Variants in ZFHX3 observed in about 807,000 individuals in gnomAD.
ZFHX3 encodes zinc finger homeobox protein 3.
ZFHX3 carries 42 observed loss-of-function variants against 279.1 expected under a neutral mutation model. The ratio of observed to expected loss-of-function variants is 0.15; its 90% CI spans 0.12 to 0.19. The LOEUF (loss-of-function observed/expected upper bound fraction) is 0.19, where lower values mean the gene tolerates loss of function less well. Ranked by LOEUF, ZFHX3 falls within the 10% of genes least tolerant of loss-of-function variation. The probability of loss-of-function intolerance (pLI) is 1.00; values close to 1 mark genes in which losing one functional copy is unlikely to be tolerated. For missense variants in ZFHX3, 4,981 were observed against 4,754.0 expected, an observed-to-expected ratio of 1.05 and a Z score of -1.40; for synonymous variants, 2,293 against 1,957.8, an observed-to-expected ratio of 1.17 and a Z score of -4.52.
intron 7 of ZFHX3, among the ~76,000 whole-genome samples, chr16:73,104,841 G>A (rs1280674260): frequency 6.6e-6 from 1 of 152,090 alleles, no homozygotes; most frequent in East Asian, 1.9e-4. Context: ...TCCCCCATGT[G>A]CTCCTATAGC....
chr16:72,788,202 G>T lies in ZFHX3; in HGVS notation c.10074C>A (p.Gly3358=). ...LSQALMGLSP[G]SLLQQYQQYQ... is the part of the protein sequence containing the mutation. The stretch of plus-strand genomic sequence containing the variant: ...ATTGCTGGTACTGCTGCAGTAGGGA[G>T]CCTGGGGACAGCCCCATCAGGGCCT... The change falls in exon 10 of 10, where the codon GGC becomes GGA. Residue 3358 remains glycine, a synonymous_variant. Transcript: ENST00000268489. The T allele has an allele frequency of 6.2e-7, 1 of 1,612,764 alleles. No homozygotes were observed. The highest frequency in any genetic ancestry group is 2.2e-5 in the East Asian group (1 of 44,832).
intron 2 of ZFHX3, among the ~76,000 whole-genome samples, chr16:73,518,022 C>T (rs549551781): frequency 8.5e-5 from 13 of 152,174 alleles, no homozygotes; most frequent in South Asian, 4.1e-4. Flanking sequence ...ACATAATCAA[C>T]GTAAACAAAT....
intron 5 of ZFHX3, among the ~76,000 whole-genome samples, chr16:72,813,897 A>G: frequency 6.6e-6 from 1 of 152,172 alleles, no homozygotes; most frequent in Admixed American, 6.5e-5. Context: ...GAGACCTTGC[A>G]GTGTGATGGG....
At position 73,684,593 on chromosome 16, in the gene ZFHX3, G is replaced by A. The variant is rs1273105093; in HGVS notation, c.-1607-4353C>T. On this transcript the variant is annotated intron_variant, in intron 1 of 17. Coordinates refer to the ZFHX3 transcript ENST00000641206. Reference sequence around the variant, plus strand: ...AATATGTTGGGTTACATGGCAAAGAGGATTTAAGGTTGCAGATGGAATTAA... The same window carrying A: ...AATATGTTGGGTTACATGGCAAAGAAGATTTAAGGTTGCAGATGGAATTAA... Among the ~76,000 whole-genome samples the A allele has an allele frequency of 5.9e-5, 9 of 152,036 alleles. No individual in the cohort carries two copies. In the South Asian group the frequency reaches 1.4e-3, roughly 24 times the overall value.
At chr16:73,530,811 G>A (rs2019787322) in intron 2 of ZFHX3, among the ~76,000 whole-genome samples, 1 of 152,118 alleles carries the variant, frequency 6.6e-6, no homozygotes. Context: ...ATGAGGTCAT[G>A]CCTGCATTTT....
At position 73,189,009 on chromosome 16, in the gene ZFHX3, G is replaced by A. The variant is rs551480442; in HGVS notation, c.-1103-45178C>T. Among the ~76,000 whole-genome samples the A allele has an allele frequency of 3.9e-5, 6 of 151,918 alleles. No individual in the cohort carries two copies. In the South Asian group the frequency reaches 6.3e-4, roughly 16 times the overall value. The stretch of plus-strand genomic sequence containing the variant: ...CTCCCAAGTAGCTGGGATTACAGGC[G>A]CAAGCTACCACGCCTGGCTACTTTT... On this transcript the variant is annotated intron_variant, in intron 5 of 17. Transcript: ENST00000641206.
chr16:73,621,272 A>G (rs2052359226), intron 2 of ZFHX3, among the ~76,000 whole-genome samples: 1 of 152,146 alleles, frequency 6.6e-6, no homozygotes. Flanking sequence ...AATTTGCCAA[A>G]CTGCCAAATT....
chr16:73,083,018 T>A (rs1307188338), intron 8 of ZFHX3, among the ~76,000 whole-genome samples: 1 of 77,656 alleles, frequency 1.3e-5, no homozygotes. Context: ...ACTCCATCTC[T>A]ACTAAAAAAA....
intron 3 of ZFHX3, among the ~76,000 whole-genome samples, chr16:73,367,865 G>T (rs1447122333): frequency 1.5e-5 from 2 of 129,656 alleles, no homozygotes; most frequent in African/African-American, 2.9e-5. Context: ...ATTAAGGAAG[G>T]TCTTTTTTTT....
intron 5 of ZFHX3, among the ~76,000 whole-genome samples, chr16:73,224,013 T>C (rs913773285): frequency 2.6e-5 from 4 of 152,172 alleles, no homozygotes; most frequent in African/African-American, 4.8e-5. Flanking sequence ...GCGGTTGCTA[T>C]AGGCTAGGGA....
intron 3 of ZFHX3, among the ~76,000 whole-genome samples, chr16:73,408,067 G>C (rs1235061394): frequency 1.3e-5 from 2 of 151,840 alleles, no homozygotes; most frequent in Non-Finnish European, 2.9e-5. Context: ...GGATGGGGGT[G>C]GGTGGGGGAA....
At chr16:73,693,728 G>C (rs766362861) in intron 1 of ZFHX3, among the ~76,000 whole-genome samples, 26 of 152,078 alleles carry the variant, frequency 1.7e-4, no homozygotes, top group Non-Finnish European at 3.4e-4. Flanking sequence ...CTTCAGTTAG[G>C]ATTTCAATTA....
At position 72,950,746 on chromosome 16, in the gene ZFHX3, A is replaced by T. The variant is rs891350747; in HGVS notation, c.2939T>A (p.Met980Lys). Residue 980 changes from methionine (M) to lysine (K), a missense_variant, in exon 3 of 10, where the codon ATG becomes AAG. This residue lies in a region of ZFHX3 where 1,751 missense variants were observed against 1,770.0 expected (regional missense o/e 0.99). Transcript: ENST00000268489. ...GAGCTTGCACTGGTATGAGTCCCCC[A>T]TCACCGCCTTCCACTCGTCCTCCGA... is the stretch of plus-strand genomic sequence containing the variant. The part of the protein sequence containing the change: ...SLSEDEWKAV[M>K]GDSYQCKLCR... 6 of 1,614,120 alleles carry T rather than the reference A, an allele frequency of 3.7e-6. No individual in the cohort carries two copies. In the East Asian group the frequency reaches 1.3e-4, roughly 36 times the overall value.
At chr16:73,606,178 T>G (rs1318597534) in intron 2 of ZFHX3, among the ~76,000 whole-genome samples, 1 of 55,692 alleles carries the variant, frequency 1.8e-5, no homozygotes, top group Admixed American at 3.1e-4. Flanking sequence ...CTAGGCTCCA[T>G]CTAAAAAAAA....
intron 1 of ZFHX3, among the ~76,000 whole-genome samples, chr16:73,760,649 G>A (rs200387437): frequency 9.9e-5 from 15 of 152,222 alleles, no homozygotes; most frequent in African/African-American, 2.2e-4. Flanking sequence ...CTTGATTGCC[G>A]GGATGCAAGG....
chr16:73,051,625 T>A (rs1405237900), upstream of ZFHX3, among the ~76,000 whole-genome samples: 1 of 152,170 alleles, frequency 6.6e-6, no homozygotes, highest in Non-Finnish European at 1.5e-5. Flanking sequence ...CCAGCTCAGG[T>A]GCTAAATCTG....
chr16:73,572,282 T>G (rs973881141), intron 2 of ZFHX3, among the ~76,000 whole-genome samples: 4 of 152,218 alleles, frequency 2.6e-5, no homozygotes, highest in African/African-American at 9.6e-5. Flanking sequence ...GCTGTTTTTT[T>G]AAGAGTGTGC....
intron 5 of ZFHX3, among the ~76,000 whole-genome samples, chr16:73,185,815 G>C (rs1323718707): frequency 6.6e-6 from 1 of 152,066 alleles, no homozygotes; most frequent in Admixed American, 6.6e-5. Context: ...CAATCCCCGG[G>C]CCACGGACCA....
At chr16:72,980,194 T>G (rs777883779) in intron 1 of ZFHX3, among the ~76,000 whole-genome samples, 10 of 152,162 alleles carry the variant, frequency 6.6e-5, no homozygotes, top group Non-Finnish European at 1.2e-4. Context: ...CTGGGTATCT[T>G]CACACCACAC....
Sources: allele counts gnomAD v4.1 joint callset (sites outside exome capture counted in the v4.1 genomes callset), GRCh38; gene constraint gnomAD v4.1.1; regional missense constraint gnomAD v4.1.1; transcripts MANE v1.5; gene names NCBI Gene and HGNC (gene_info 2026-07-23, HGNC 2026-07-21).